Variants in MYT1L observed in about 807,000 individuals in gnomAD.
MYT1L encodes myelin transcription factor 1 like, also known as myelin transcription factor 1-like protein.
In MYT1L, 12 loss-of-function variants were observed where a neutral mutation model predicts 126.7. The observed-to-expected ratio is 0.09, with a 90% CI of 0.06 to 0.15. The LOEUF (loss-of-function observed/expected upper bound fraction) is 0.15, where lower values mean the gene tolerates loss of function less well. MYT1L is among the 10% of genes least tolerant of loss of function. The pLI is 1.00. For missense variants in MYT1L, 979 were observed against 1,585.2 expected, an observed-to-expected ratio of 0.62 and a Z score of 6.49; for synonymous variants, 541 against 604.2, an observed-to-expected ratio of 0.90 and a Z score of 1.53.
At chr2:1,846,547 G>A (rs892360372) in intron 19 of MYT1L, among the ~76,000 whole-genome samples, 1 of 152,156 alleles carries the variant, frequency 6.6e-6, no homozygotes, top group African/African-American at 2.4e-5. Flanking sequence ...CAGCTCCAGC[G>A]AGAAAGGGCC....
chr2:2,253,114 A>T (rs1214614974), intron 2 of MYT1L, among the ~76,000 whole-genome samples: 1 of 152,014 alleles, frequency 6.6e-6, no homozygotes. Flanking sequence ...CTATTGTGGC[A>T]CCTTTGAAAA....
At chr2:2,278,061 A>AT (rs1413270141) in intron 2 of MYT1L, among the ~76,000 whole-genome samples, 1 of 152,220 alleles carries the variant, frequency 6.6e-6, no homozygotes, top group Admixed American at 6.5e-5. Context: ...TTCTTTTCCT[A>AT]TATAACAACT....
At chr2:1,808,470 T>C (rs1449415093) in intron 22 of MYT1L, among the ~76,000 whole-genome samples, 1 of 151,746 alleles carries the variant, frequency 6.6e-6, no homozygotes, top group South Asian at 2.1e-4. Flanking sequence ...ACCTCGCAAA[T>C]AGAGTCCCCA....
At chr2:2,140,432 C>CTTTTTTTTTTTT (rs35297300) in intron 3 of MYT1L, among the ~76,000 whole-genome samples, 6 of 112,972 alleles carry the variant, frequency 5.3e-5, no homozygotes, top group Non-Finnish European at 7.2e-5. Context: ...CTTTCTTTTT[C>CTTTTTTTTTTTT]TTTTTTTTTT....
At chr2:2,155,706 A>C (rs1427465650) in intron 3 of MYT1L, among the ~76,000 whole-genome samples, 1 of 152,202 alleles carries the variant, frequency 6.6e-6, no homozygotes, top group Non-Finnish European at 1.5e-5. Flanking sequence ...TGACTCAAGG[A>C]ATTGCTATGC....
chr2:1,968,718 C>A (rs977371883), intron 8 of MYT1L, among the ~76,000 whole-genome samples: 2 of 152,168 alleles, frequency 1.3e-5, no homozygotes, highest in Non-Finnish European at 2.9e-5. Context: ...CCCTAGGATC[C>A]TACAGGGTCT....
chr2:1,874,947 G>A (rs747767459), intron 18 of MYT1L, among the ~76,000 whole-genome samples: 2 of 152,182 alleles, frequency 1.3e-5, no homozygotes, highest in Admixed American at 6.5e-5. Flanking sequence ...GTCACCTGGC[G>A]GCCCGTCTGC....
chr2:1,944,206 T>C (rs576525921), intron 8 of MYT1L, among the ~76,000 whole-genome samples: 2 of 152,254 alleles, frequency 1.3e-5, no homozygotes, highest in Admixed American at 1.3e-4. Flanking sequence ...ACATTAGATA[T>C]ATCTCCTAAT....
intron 21 of MYT1L, among the ~76,000 whole-genome samples, chr2:1,819,545 C>T (rs2148122128): frequency 6.6e-6 from 1 of 152,346 alleles, no homozygotes; most frequent in South Asian, 2.1e-4. Context: ...CCTCACCCTC[C>T]ACTCCTCCTC....
chr2:2,045,675 AATGC>A (rs2068095955), intron 4 of MYT1L, among the ~76,000 whole-genome samples: 1 of 151,918 alleles, frequency 6.6e-6, no homozygotes, highest in South Asian at 2.1e-4. Flanking sequence ...TTGTACTGTG[AATGC>A]ATTAGAAATT....
intron 1 of MYT1L, among the ~76,000 whole-genome samples, chr2:2,292,223 G>T (rs565275882): frequency 6.6e-6 from 1 of 152,210 alleles, no homozygotes; most frequent in African/African-American, 2.4e-5. Flanking sequence ...TCTGGGGTCC[G>T]TGGCTCAGGA....
intron 2 of MYT1L, among the ~76,000 whole-genome samples, chr2:2,236,078 C>A (rs2094291248): frequency 6.6e-6 from 1 of 151,688 alleles, no homozygotes; most frequent in Non-Finnish European, 1.5e-5. Flanking sequence ...ACATCCCAAC[C>A]CAACCCAGTA....
At position 1,818,085 on chromosome 2, in the gene MYT1L, G is replaced by A. The variant is rs114908726; in HGVS notation, c.3081-8918C>T. Among the ~76,000 whole-genome samples, 1,270 of 152,280 alleles carry A rather than the reference G, an allele frequency of 8.3e-3. 16 individuals are homozygous for A. Among genetic ancestry groups the A allele is most frequent in the African/African-American group, 0.029 (1,211 of 41,542 alleles). Reference sequence around the variant, plus strand: ...TTCAAACCGAGCTCCGGGAGGCCCTGACATTTTTTATCAGGACATCAGCTA... The same window carrying A: ...TTCAAACCGAGCTCCGGGAGGCCCTAACATTTTTTATCAGGACATCAGCTA... On this transcript the variant is annotated intron_variant, in intron 21 of 24. Coordinates refer to ENST00000647738, the MANE Select transcript of MYT1L (RefSeq NM_001303052.2).
chr2:1,923,293 A>G, intron 9 of MYT1L, 30 bp from the exon 10 acceptor site: 8 of 1,531,372 alleles, frequency 5.2e-6, no homozygotes, highest in Middle Eastern at 3.4e-4. Context: ...GACAAAAAAG[A>G]AAAGAAAAGG....
chr2:2,217,178 C>T (rs1239749877), intron 2 of MYT1L, among the ~76,000 whole-genome samples: 2 of 151,976 alleles, frequency 1.3e-5, no homozygotes, highest in African/African-American at 4.8e-5. Flanking sequence ...GCCACCATTT[C>T]TCAGATAACT....
At chr2:2,268,523 A>G (rs761962446) in intron 2 of MYT1L, among the ~76,000 whole-genome samples, 32 of 152,304 alleles carry the variant, frequency 2.1e-4, no homozygotes, top group Non-Finnish European at 4.3e-4. Flanking sequence ...TACGTATAAC[A>G]AAAGTTGCTG....
Position 1,847,245 on chromosome 2 carries a change from A to G in MYT1L, c.2774+4396T>C, listed in dbSNP as rs146429099. 9.6e-4 allele frequency among the ~76,000 whole-genome samples: 147 copies of G among 152,336 alleles called. 1 individual carries two copies. Among genetic ancestry groups the G allele is most frequent in the African/African-American group, 3.4e-3 (140 of 41,574 alleles). Reference sequence around the variant, plus strand: ...TAATCTCATAGGATGGTGAGATTATAGATGTAAAATACTCACTGTAATTTC... The same window carrying G: ...TAATCTCATAGGATGGTGAGATTATGGATGTAAAATACTCACTGTAATTTC... On this transcript the variant is annotated intron_variant, in intron 19 of 24. Coordinates refer to ENST00000647738, the MANE Select transcript of MYT1L (RefSeq NM_001303052.2).
chr2:1,963,686 C>G (rs889424976), intron 8 of MYT1L, among the ~76,000 whole-genome samples: 1 of 152,214 alleles, frequency 6.6e-6, no homozygotes, highest in Admixed American at 6.5e-5. Flanking sequence ...GTTATGGAGA[C>G]AGATTCTTCC....
At chr2:2,322,547 C>T (rs552835510) in intron 1 of MYT1L, among the ~76,000 whole-genome samples, 5 of 151,340 alleles carry the variant, frequency 3.3e-5, no homozygotes, top group Non-Finnish European at 2.9e-5. Flanking sequence ...GAGAGTGGCA[C>T]GCGGGGCTCC....
Sources: gnomAD v4.1 joint callset for allele counts (sites outside exome capture counted in the v4.1 genomes callset) on GRCh38, gnomAD v4.1.1 for gene constraint, MANE v1.5 for transcripts, NCBI Gene and HGNC (gene_info 2026-07-23, HGNC 2026-07-21) for gene names.